Variants in ACTR3C observed in about 807,000 individuals in gnomAD.
The protein encoded by ACTR3C is actin related protein 3C.
ACTR3C carries 18 observed loss-of-function variants against 26.3 expected under a neutral mutation model. That is an observed-to-expected ratio of 0.68 (90% CI 0.47 to 1.01). The LOEUF (loss-of-function observed/expected upper bound fraction) is 1.01. Among genes scored for constraint, ACTR3C ranks in the 50% least tolerant of loss-of-function variants. The pLI is 0.00. For missense variants in ACTR3C, 184 were observed against 250.7 expected, an observed-to-expected ratio of 0.73 and a Z score of 1.80; for synonymous variants, 55 against 94.5, an observed-to-expected ratio of 0.58 and a Z score of 2.42.
chr7:150,275,750 G>A (rs1166367050), intron 6 of ACTR3C, among the ~76,000 whole-genome samples: 5 of 152,006 alleles, frequency 3.3e-5, no homozygotes, highest in Admixed American at 1.3e-4. Flanking sequence ...CTACAAAGGA[G>A]TAACTTCTCC....
the ACTR3C span, among the ~76,000 whole-genome samples, chr7:149,954,178 G>A: frequency 6.6e-6 from 1 of 151,734 alleles, no homozygotes; most frequent in Admixed American, 6.6e-5. Flanking sequence ...TAATTTTCAT[G>A]GTTTTATTAA....
chr7:149,948,921 G>C, the ACTR3C span, among the ~76,000 whole-genome samples: 5,526 of 149,822 alleles, frequency 0.037, 85 homozygotes, highest in African/African-American at 0.12. Context: ...TGAGGTTTGG[G>C]TTCATTTAGG....
chr7:149,960,936 G>A, the ACTR3C span, among the ~76,000 whole-genome samples: 1 of 151,934 alleles, frequency 6.6e-6, no homozygotes, highest in Non-Finnish European at 1.5e-5. Flanking sequence ...CTCACAGGAA[G>A]TGTATAGAGG....
chr7:150,133,054 C>T, the ACTR3C span, among the ~76,000 whole-genome samples: 15 of 152,254 alleles, frequency 9.9e-5, no homozygotes, highest in South Asian at 2.1e-4. Context: ...CAACCCTAGA[C>T]ATGAGCTCAT....
the ACTR3C span, among the ~76,000 whole-genome samples, chr7:149,932,897 G>A: frequency 6.6e-6 from 1 of 151,488 alleles, no homozygotes; most frequent in African/African-American, 2.4e-5. Flanking sequence ...GTTTGGCGGG[G>A]CCAGGCAGAA....
At chr7:150,319,851 G>A (rs962066261) in intron 1 of ACTR3C, among the ~76,000 whole-genome samples, 1 of 152,144 alleles carries the variant, frequency 6.6e-6, no homozygotes, top group Non-Finnish European at 1.5e-5. Flanking sequence ...AGCTCTAGGG[G>A]CAGGAGCCAG....
the ACTR3C span, among the ~76,000 whole-genome samples, chr7:149,931,785 C>G: frequency 1.3e-5 from 2 of 149,778 alleles, no homozygotes; most frequent in Non-Finnish European, 3.0e-5. Flanking sequence ...AATAAATTGA[C>G]AAAAAAAAAG....
At chr7:150,187,851 TCTTTC>T in the ACTR3C span, among the ~76,000 whole-genome samples, 1,076 of 148,712 alleles carry the variant, frequency 7.2e-3, 8 homozygotes, top group African/African-American at 0.025. Flanking sequence ...AAAGTTATTA[TCTTTC>T]CTTAAGTAAT....
At chr7:149,942,998 T>G in the ACTR3C span, among the ~76,000 whole-genome samples, 1 of 152,054 alleles carries the variant, frequency 6.6e-6, no homozygotes, top group Non-Finnish European at 1.5e-5. Flanking sequence ...CCAAAGATAC[T>G]GTTGGTGTCA....
At chr7:150,077,251 G>T in the ACTR3C span, among the ~76,000 whole-genome samples, 3 of 152,150 alleles carry the variant, frequency 2.0e-5, no homozygotes, top group East Asian at 1.9e-4. Flanking sequence ...GATGCTGATT[G>T]TTATAGAGCA....
At chr7:150,291,076 A>G (rs1204751103) in intron 3 of ACTR3C, among the ~76,000 whole-genome samples, 2 of 152,226 alleles carry the variant, frequency 1.3e-5, no homozygotes, top group East Asian at 1.9e-4. Context: ...GACATGAGAC[A>G]TTCCAATTGT....
chr7:150,286,420 T>C lies in ACTR3C; in HGVS notation c.418A>G (p.Ile140Val), dbSNP rs1835776441. 6.2e-7 allele frequency: 1 copy of C among 1,613,804 alleles called. No homozygotes were observed. The highest frequency in any genetic ancestry group is 1.7e-5 in the Admixed American group (1 of 60,012). The change falls in exon 5 of 8, where the codon ATA becomes GTA. Residue 140 changes from isoleucine (I) to valine (V), a missense_variant. Physicochemically the swap from Ile to Val is conservative, Grantham distance 29. Coordinates refer to ENST00000683684, the MANE Select transcript of ACTR3C (RefSeq NM_001164458.2). Reference protein sequence around the residue: ...INAINQKKFVIDVGYERFLGP... With the variant: ...INAINQKKFVVDVGYERFLGP... The stretch of plus-strand genomic sequence containing the variant: ...AGGAATCTTTCGTAACCAACGTCTA[T>C]AACAAACTTCTTCTGGTTGATCGCA...
At chr7:150,094,140 C>G in the ACTR3C span, among the ~76,000 whole-genome samples, 1 of 150,682 alleles carries the variant, frequency 6.6e-6, no homozygotes, top group Non-Finnish European at 1.5e-5. Context: ...CAATCCTTTG[C>G]TTTGCTGGTG....
chr7:149,985,703 C>G, the ACTR3C span, among the ~76,000 whole-genome samples: 77 of 152,116 alleles, frequency 5.1e-4, no homozygotes, highest in African/African-American at 1.8e-3. Flanking sequence ...ACAATAATCA[C>G]AAATAACAAC....
At chr7:149,946,111 C>T in the ACTR3C span, among the ~76,000 whole-genome samples, 14 of 152,150 alleles carry the variant, frequency 9.2e-5, no homozygotes, top group South Asian at 2.1e-4. Context: ...TCAGAGTCCG[C>T]GTCTGCATGA....
chr7:150,037,870 T>C, the ACTR3C span, among the ~76,000 whole-genome samples: 1 of 89,354 alleles, frequency 1.1e-5, no homozygotes. Flanking sequence ...GCGATGGGGG[T>C]CCTAAGAGCA....
intron 6 of ACTR3C, among the ~76,000 whole-genome samples, chr7:150,252,914 G>T (rs145589871): frequency 6.6e-6 from 1 of 151,584 alleles, no homozygotes; most frequent in Non-Finnish European, 1.5e-5. Flanking sequence ...TATCTCAATT[G>T]TGGATGATAT....
At chr7:149,987,691 A>T in the ACTR3C span, among the ~76,000 whole-genome samples, 1 of 147,650 alleles carries the variant, frequency 6.8e-6, no homozygotes, top group Non-Finnish European at 1.5e-5. Flanking sequence ...TATCTATTTT[A>T]AAAATTATTT....
the ACTR3C span, among the ~76,000 whole-genome samples, chr7:150,174,323 A>G: frequency 7.2e-6 from 1 of 138,816 alleles, no homozygotes; most frequent in Non-Finnish European, 1.5e-5. Context: ...ATGAGGAAGA[A>G]GCAAAAGCAG....
Sources: gnomAD v4.1 joint callset for allele counts (sites outside exome capture counted in the v4.1 genomes callset) on GRCh38, gnomAD v4.1.1 for gene constraint, MANE v1.5 for transcripts, NCBI Gene and HGNC (gene_info 2026-07-23, HGNC 2026-07-21) for gene names.